Variants in LRRC4C observed in about 807,000 individuals in gnomAD.
LRRC4C encodes leucine rich repeat containing 4C.
Under a neutral mutation model 33.6 loss-of-function variants are expected in LRRC4C, and 5 were observed. The observed-to-expected ratio is 0.15, with a 90% CI of 0.08 to 0.31. The LOEUF (loss-of-function observed/expected upper bound fraction) is 0.31. Ranked by LOEUF, LRRC4C falls within the 10% of genes least tolerant of loss-of-function variation. The pLI, the probability that LRRC4C is intolerant of heterozygous loss-of-function variation, is 1.00. For synonymous variants in LRRC4C, 329 were observed against 302.0 expected (o/e 1.09, Z -0.93); for missense variants, 560 against 796.7 (o/e 0.70, Z 3.58).
intron 2 of LRRC4C, among the ~76,000 whole-genome samples, chr11:40,815,293 G>A (rs1274568011): frequency 3.3e-5 from 5 of 152,012 alleles, no homozygotes; most frequent in Admixed American, 2.6e-4. Context: ...ATTCACTATC[G>A]TAAGAACAGC....
intron 2 of LRRC4C, among the ~76,000 whole-genome samples, chr11:40,729,806 C>A (rs1159362210): frequency 6.6e-6 from 1 of 152,118 alleles, no homozygotes; most frequent in African/African-American, 2.4e-5. Context: ...ATGGTAGAAT[C>A]ATATCATTTT....
At chr11:41,432,997 T>C (rs1464992465) in intron 1 of LRRC4C, among the ~76,000 whole-genome samples, 1 of 152,094 alleles carries the variant, frequency 6.6e-6, no homozygotes, top group Non-Finnish European at 1.5e-5. Context: ...GAGACAAAGG[T>C]GTTTGGGCTA....
At chr11:40,409,382 T>C (rs912435677) in intron 3 of LRRC4C, among the ~76,000 whole-genome samples, 1 of 151,702 alleles carries the variant, frequency 6.6e-6, no homozygotes, top group African/African-American at 2.4e-5. Context: ...AAAGCCAAAA[T>C]AGACAAATTA....
At chr11:40,743,949 C>T (rs913151571) in intron 2 of LRRC4C, among the ~76,000 whole-genome samples, 1 of 152,108 alleles carries the variant, frequency 6.6e-6, no homozygotes, top group African/African-American at 2.4e-5. Context: ...ATTGTAACTT[C>T]TATTTTTCCT....
At chr11:41,141,310 C>T (rs189250019) in intron 1 of LRRC4C, among the ~76,000 whole-genome samples, 78 of 152,110 alleles carry the variant, frequency 5.1e-4, no homozygotes, top group African/African-American at 1.7e-3. Flanking sequence ...CACCTCTGCC[C>T]TGCTCCCAAC....
At chr11:40,615,310 T>A (rs1355890317) in intron 3 of LRRC4C, among the ~76,000 whole-genome samples, 2 of 147,866 alleles carry the variant, frequency 1.4e-5, no homozygotes, top group Admixed American at 6.8e-5. Flanking sequence ...TCTCAGTAGA[T>A]CACTGCTTTT....
At chr11:40,713,704 C>T (rs1946574342) in intron 2 of LRRC4C, among the ~76,000 whole-genome samples, 1 of 152,120 alleles carries the variant, frequency 6.6e-6, no homozygotes, top group African/African-American at 2.4e-5. Flanking sequence ...TTTCTTGTTT[C>T]TCCTTCTCGC....
chr11:41,191,018 A>G (rs528377558), intron 1 of LRRC4C, among the ~76,000 whole-genome samples: 1 of 152,298 alleles, frequency 6.6e-6, no homozygotes, highest in East Asian at 1.9e-4. Context: ...CTAATTGATT[A>G]CAGTAATCTG....
intron 2 of LRRC4C, among the ~76,000 whole-genome samples, chr11:40,715,703 T>G (rs1453037647): frequency 2.0e-5 from 3 of 152,116 alleles, no homozygotes; most frequent in Admixed American, 6.5e-5. Flanking sequence ...ATACATATAT[T>G]TCAGGAAACT....
At chr11:41,142,857 T>C (rs950385956) in intron 1 of LRRC4C, among the ~76,000 whole-genome samples, 3 of 152,160 alleles carry the variant, frequency 2.0e-5, no homozygotes, top group African/African-American at 2.4e-5. Context: ...TACACAAATA[T>C]AGCTTAACAA....
intron 2 of LRRC4C, among the ~76,000 whole-genome samples, chr11:40,669,916 C>G (rs779300171): frequency 6.6e-6 from 1 of 152,336 alleles, no homozygotes. Flanking sequence ...TATAAAATCA[C>G]TGCTCATAAA....
intron 1 of LRRC4C, among the ~76,000 whole-genome samples, chr11:40,953,694 CCATGTGG>C (rs1341899342): frequency 6.6e-6 from 1 of 151,646 alleles, no homozygotes; most frequent in African/African-American, 2.4e-5. Context: ...ATTTTTCTGA[CCATGTGG>C]CATAAAGAAC....
At chr11:40,264,426 C>T (rs529209532) in intron 4 of LRRC4C, among the ~76,000 whole-genome samples, 1 of 152,088 alleles carries the variant, frequency 6.6e-6, no homozygotes, top group Non-Finnish European at 1.5e-5. Context: ...ATAAATTCTT[C>T]GACACCTATA....
intron 2 of LRRC4C, among the ~76,000 whole-genome samples, chr11:40,894,981 C>CT (rs1331536123): frequency 1.3e-5 from 2 of 152,078 alleles, no homozygotes; most frequent in Admixed American, 1.3e-4. Flanking sequence ...TCATATCTCT[C>CT]TTTTTTGTAA....
chr11:41,227,573 C>A (rs1252424603), intron 1 of LRRC4C, among the ~76,000 whole-genome samples: 1 of 152,084 alleles, frequency 6.6e-6, no homozygotes, highest in South Asian at 2.1e-4. Context: ...AATCATGGCT[C>A]ACTGCAGCCT....
At chr11:40,124,295 A>G (rs1026302176) in intron 6 of LRRC4C, among the ~76,000 whole-genome samples, 1 of 152,216 alleles carries the variant, frequency 6.6e-6, no homozygotes, top group African/African-American at 2.4e-5. Flanking sequence ...CAGCAGTTCC[A>G]CTGCTAGGCA....
At chr11:41,150,010 T>G (rs1358686195) in intron 1 of LRRC4C, among the ~76,000 whole-genome samples, 1 of 152,196 alleles carries the variant, frequency 6.6e-6, no homozygotes, top group Non-Finnish European at 1.5e-5. Flanking sequence ...AGTCAGGAGT[T>G]GAATATTTCC....
chr11:41,139,016 A>G (rs1332883123), intron 1 of LRRC4C, among the ~76,000 whole-genome samples: 4 of 152,122 alleles, frequency 2.6e-5, no homozygotes. Flanking sequence ...TTTGGGACTA[A>G]TTTGTTTGTT....
At chr11:40,618,581 C>T (rs1281807035) in intron 3 of LRRC4C, among the ~76,000 whole-genome samples, 1 of 151,742 alleles carries the variant, frequency 6.6e-6, no homozygotes. Context: ...CTTACCCTAG[C>T]CCCATTACCT....
Sources: allele counts gnomAD v4.1 joint callset (sites outside exome capture counted in the v4.1 genomes callset), GRCh38; gene constraint gnomAD v4.1.1; transcripts MANE v1.5; gene names NCBI Gene and HGNC (gene_info 2026-07-23, HGNC 2026-07-21).